KCNIP4: variants seen among roughly 807,000 people sequenced by gnomAD.
KCNIP4 encodes the protein potassium voltage-gated channel interacting protein 4.
In KCNIP4, 12 loss-of-function variants were observed where a neutral mutation model predicts 34.0. That is an observed-to-expected ratio of 0.35 (90% CI 0.23 to 0.57). KCNIP4 has a LOEUF of 0.57. Among genes scored for constraint, KCNIP4 ranks in the 20% least tolerant of loss-of-function variants. KCNIP4 has a pLI of 0.83. For synonymous variants in KCNIP4, 124 were observed against 102.2 expected (o/e 1.21, Z -1.29); for missense variants, 238 against 311.7 (o/e 0.76, Z 1.78).
chr4:21,622,459 C>T (rs1745056775), intron 1 of KCNIP4, among the ~76,000 whole-genome samples: 1 of 152,016 alleles, frequency 6.6e-6, no homozygotes, highest in African/African-American at 2.4e-5. Flanking sequence ...CTCTTATTCC[C>T]CAGAGTATTT....
At chr4:21,602,257 C>T (rs954162200) in intron 1 of KCNIP4, among the ~76,000 whole-genome samples, 3 of 152,130 alleles carry the variant, frequency 2.0e-5, no homozygotes, top group East Asian at 1.9e-4. Context: ...TGTCTCATTA[C>T]AGCATCAAAC....
At chr4:21,066,912 C>G (rs1744449383) in intron 1 of KCNIP4, among the ~76,000 whole-genome samples, 1 of 152,108 alleles carries the variant, frequency 6.6e-6, no homozygotes, top group Non-Finnish European at 1.5e-5. Flanking sequence ...TGGTGAGATA[C>G]CAGCCGGGAT....
At chr4:21,527,970 C>T (rs369802334) in intron 1 of KCNIP4, among the ~76,000 whole-genome samples, 1 of 152,172 alleles carries the variant, frequency 6.6e-6, no homozygotes, top group East Asian at 1.9e-4. Flanking sequence ...TGGAACATTG[C>T]CTAAATGAAA....
chr4:21,174,802 G>A (rs1754279940), intron 1 of KCNIP4, among the ~76,000 whole-genome samples: 1 of 151,774 alleles, frequency 6.6e-6, no homozygotes, highest in Admixed American at 6.6e-5. Flanking sequence ...CTACTTGGGA[G>A]GCTGAGGCAG....
At chr4:21,670,515 T>C (rs1472159624) in intron 1 of KCNIP4, among the ~76,000 whole-genome samples, 1 of 151,832 alleles carries the variant, frequency 6.6e-6, no homozygotes, top group Non-Finnish European at 1.5e-5. Flanking sequence ...GGCACATGTA[T>C]ACATATGTAA....
chr4:20,840,631 G>A (rs1437987470), intron 3 of KCNIP4, among the ~76,000 whole-genome samples: 1 of 152,140 alleles, frequency 6.6e-6, no homozygotes, highest in African/African-American at 2.4e-5. Context: ...GTGGAACCAC[G>A]AGATGGAAGG....
intron 1 of KCNIP4, among the ~76,000 whole-genome samples, chr4:21,541,941 C>T (rs900089031): frequency 6.6e-6 from 1 of 152,132 alleles, no homozygotes; most frequent in African/African-American, 2.4e-5. Flanking sequence ...CCAAGCCCCG[C>T]CTAATTTTCT....
chr4:21,432,369 A>C (rs1726569088), intron 1 of KCNIP4, among the ~76,000 whole-genome samples: 1 of 151,826 alleles, frequency 6.6e-6, no homozygotes, highest in Non-Finnish European at 1.5e-5. Flanking sequence ...ATAAAAAAGC[A>C]CCTCAATTTA....
intron 1 of KCNIP4, among the ~76,000 whole-genome samples, chr4:21,286,798 T>C (rs539343530): frequency 6.6e-6 from 1 of 152,242 alleles, no homozygotes; most frequent in South Asian, 2.1e-4. Context: ...AAAGACAAAT[T>C]ATAGCATGTA....
intron 1 of KCNIP4, among the ~76,000 whole-genome samples, chr4:21,013,444 A>AC: frequency 6.6e-6 from 1 of 151,902 alleles, no homozygotes; most frequent in East Asian, 1.9e-4. Flanking sequence ...TGACCCACTG[A>AC]CCCCCAGACA....
intron 1 of KCNIP4, among the ~76,000 whole-genome samples, chr4:21,804,850 T>G (rs916489893): frequency 7.9e-5 from 12 of 152,138 alleles, no homozygotes; most frequent in Non-Finnish European, 8.8e-5. Flanking sequence ...GCCATTCCAC[T>G]CACTAACAAA....
rs150865458 is a variant in KCNIP4 at position 20,894,206 on chromosome 4, T to C, written c.62-11497A>G. Among the ~76,000 whole-genome samples, 9 of 152,324 alleles carry C rather than the reference T, an allele frequency of 5.9e-5. No homozygotes were observed. The East Asian group carries it at 1.5e-3, about 26-fold the overall frequency. On this transcript the variant is annotated intron_variant, in intron 1 of 8. Coordinates refer to ENST00000382152, the MANE Select transcript of KCNIP4 (RefSeq NM_025221.6). ...ATTTTTAACAATCAAGCATTGTAACTTCAAACTTTTCTTTGGGATAAGCCA... is the reference window on the plus strand; with the variant it reads ...ATTTTTAACAATCAAGCATTGTAACCTCAAACTTTTCTTTGGGATAAGCCA...
chr4:20,892,933 T>C (rs1404900358), intron 1 of KCNIP4, among the ~76,000 whole-genome samples: 1 of 152,196 alleles, frequency 6.6e-6, no homozygotes, highest in Non-Finnish European at 1.5e-5. Flanking sequence ...AAACTACTTC[T>C]ACAGGGCTAT....
chr4:21,526,666 G>A (rs1040742060), intron 1 of KCNIP4, among the ~76,000 whole-genome samples: 1 of 152,016 alleles, frequency 6.6e-6, no homozygotes, highest in African/African-American at 2.4e-5. Flanking sequence ...GAACACAAGT[G>A]TGAAAAAGAA....
At chr4:21,376,541 TCA>T (rs1459305466) in intron 1 of KCNIP4, among the ~76,000 whole-genome samples, 1 of 152,244 alleles carries the variant, frequency 6.6e-6, no homozygotes, top group East Asian at 1.9e-4. Context: ...TGCCTATCCT[TCA>T]AAATTCATCA....
At chr4:20,865,400 T>C (rs540812780) in intron 2 of KCNIP4, among the ~76,000 whole-genome samples, 1 of 152,240 alleles carries the variant, frequency 6.6e-6, no homozygotes, top group Admixed American at 6.6e-5. Context: ...AGAAATGTGA[T>C]ACATTTTTAA....
chr4:21,493,355 A>G (rs1560458546), intron 1 of KCNIP4, among the ~76,000 whole-genome samples: 1 of 152,054 alleles, frequency 6.6e-6, no homozygotes, highest in Non-Finnish European at 1.5e-5. Flanking sequence ...TGGGAAATAC[A>G]TACATCCAAG....
chr4:20,992,960 G>T (rs1240096551), intron 1 of KCNIP4, among the ~76,000 whole-genome samples: 1 of 149,958 alleles, frequency 6.7e-6, no homozygotes, highest in Non-Finnish European at 1.5e-5. Context: ...CCTGGGGAGT[G>T]GAGGTTGCAG....
At chr4:20,909,164 G>C (rs904962425) in intron 1 of KCNIP4, among the ~76,000 whole-genome samples, 2 of 152,200 alleles carry the variant, frequency 1.3e-5, no homozygotes, top group Non-Finnish European at 2.9e-5. Context: ...TTATTGAATA[G>C]ACTAGAAAAT....
Sources: gnomAD v4.1 joint callset for allele counts (sites outside exome capture counted in the v4.1 genomes callset) on GRCh38, gnomAD v4.1.1 for gene constraint, MANE v1.5 for transcripts, NCBI Gene and HGNC (gene_info 2026-07-23, HGNC 2026-07-21) for gene names.